MICU1: variants seen among roughly 807,000 people sequenced by gnomAD.
MICU1 encodes the protein mitochondrial calcium uptake 1.
A neutral mutation model predicts 56.8 loss-of-function variants in MICU1; 45 were observed. The observed-to-expected ratio is 0.79, with a 90% CI of 0.62 to 1.02. The LOEUF (loss-of-function observed/expected upper bound fraction) is 1.02. MICU1 is among the 50% of genes least tolerant of loss of function. The probability of loss-of-function intolerance (pLI) is 0.00; values close to 1 mark genes in which losing one functional copy is unlikely to be tolerated. For synonymous variants in MICU1, 186 were observed against 195.1 expected, an observed-to-expected ratio of 0.95 and a Z score of 0.39; for missense variants, 504 against 587.1, an observed-to-expected ratio of 0.86 and a Z score of 1.46.
intron 3 of MICU1, among the ~76,000 whole-genome samples, chr10:72,562,437 A>G (rs1840324149): frequency 6.6e-6 from 1 of 152,154 alleles, no homozygotes; most frequent in East Asian, 1.9e-4. Context: ...TATAGGCATG[A>G]GCCACCATGC....
chr10:72,403,193 CAG>C (rs1040834675), intron 10 of MICU1, among the ~76,000 whole-genome samples: 3 of 151,810 alleles, frequency 2.0e-5, no homozygotes, highest in African/African-American at 4.8e-5. Flanking sequence ...CAGGCCAAGA[CAG>C]TGACCCGGGT....
At chr10:72,432,003 G>GTT (rs1387405082) in intron 8 of MICU1, among the ~76,000 whole-genome samples, 1 of 149,024 alleles carries the variant, frequency 6.7e-6, no homozygotes, top group Non-Finnish European at 1.5e-5. Context: ...AATTTTTTAT[G>GTT]TTGTCTATTT....
At chr10:72,555,081 T>C (rs747531592) in intron 3 of MICU1, among the ~76,000 whole-genome samples, 14 of 152,036 alleles carry the variant, frequency 9.2e-5, no homozygotes, top group African/African-American at 2.2e-4. Context: ...CTATGTGACG[T>C]TGAACAATAA....
At chr10:72,515,325 G>A (rs983894893) in intron 5 of MICU1, among the ~76,000 whole-genome samples, 1 of 152,190 alleles carries the variant, frequency 6.6e-6, no homozygotes, top group African/African-American at 2.4e-5. Context: ...ATTTTTGGCA[G>A]CTTAATTTTT....
At chr10:72,616,616 T>G (rs1300371110) in intron 1 of MICU1, among the ~76,000 whole-genome samples, 1 of 146,220 alleles carries the variant, frequency 6.8e-6, no homozygotes, top group Non-Finnish European at 1.5e-5. Context: ...CTCTACATAA[T>G]GACCTATAAA....
chr10:72,561,878 T>G (rs1156978928), intron 3 of MICU1, among the ~76,000 whole-genome samples: 1 of 152,158 alleles, frequency 6.6e-6, no homozygotes, highest in Non-Finnish European at 1.5e-5. Context: ...TACAAAGAAC[T>G]CTTCTTGCAA....
intron 10 of MICU1, among the ~76,000 whole-genome samples, chr10:72,390,670 T>G (rs1034683224): frequency 3.9e-5 from 6 of 152,220 alleles, no homozygotes; most frequent in African/African-American, 1.4e-4. Flanking sequence ...GGTTCTAACC[T>G]TTTGGGAAAA....
chr10:72,543,169 G>A (rs1364845280), intron 4 of MICU1, among the ~76,000 whole-genome samples: 1 of 152,108 alleles, frequency 6.6e-6, no homozygotes, highest in Middle Eastern at 3.2e-3. Context: ...GCTTGAAGGT[G>A]GGGTTTTGTC....
chr10:72,489,084 T>G (rs993586823), intron 6 of MICU1, among the ~76,000 whole-genome samples: 2 of 152,006 alleles, frequency 1.3e-5, no homozygotes, highest in South Asian at 2.1e-4. Context: ...AGGTTAGGCG[T>G]TCAAGACCAG....
chr10:72,509,476 G>A (rs1349974628), intron 5 of MICU1: 20 of 1,147,040 alleles, frequency 1.7e-5, no homozygotes, highest in Admixed American at 2.3e-5. Flanking sequence ...AGTACCACAC[G>A]AATCATCGTG....
chr10:72,410,531 A>G (rs995995802), intron 9 of MICU1, among the ~76,000 whole-genome samples: 2 of 152,214 alleles, frequency 1.3e-5, no homozygotes, highest in African/African-American at 2.4e-5. Flanking sequence ...AGGCAGGAGA[A>G]TCGCTTGAGC....
intron 9 of MICU1, among the ~76,000 whole-genome samples, chr10:72,417,480 T>C (rs1864021654): frequency 2.7e-5 from 4 of 148,822 alleles, no homozygotes; most frequent in South Asian, 4.2e-4. Flanking sequence ...AAAAGAAATA[T>C]AGTTGTAAGG....
rs532339813 is a variant in MICU1, at chr10:72,601,710, A to C, written c.-2+24300T>G. Reference sequence around the variant, plus strand: ...GAAGAAACAAGAAAGCGTGTGTATTAATATGCTCAAATTTGATGAAGAGTG... The same window carrying C: ...GAAGAAACAAGAAAGCGTGTGTATTCATATGCTCAAATTTGATGAAGAGTG... On this transcript the variant is annotated intron_variant, in intron 1 of 11. Coordinates refer to ENST00000361114, the MANE Select transcript of MICU1 (RefSeq NM_001195518.2). Among the ~76,000 whole-genome samples, 3 of 152,158 alleles carry C rather than the reference A, an allele frequency of 2.0e-5. No homozygotes were observed. The South Asian group carries it at 6.2e-4, about 32-fold the overall frequency.
chr10:72,429,428 A>AAG (rs1403379492), intron 8 of MICU1, among the ~76,000 whole-genome samples: 2 of 151,680 alleles, frequency 1.3e-5, no homozygotes, highest in African/African-American at 4.8e-5. Flanking sequence ...TCAAAAAAAA[A>AAG]AAAAAAAGAA....
chr10:72,395,283 T>C (rs1400182713), intron 10 of MICU1, among the ~76,000 whole-genome samples: 1 of 152,086 alleles, frequency 6.6e-6, no homozygotes, highest in Non-Finnish European at 1.5e-5. Context: ...TCCCCATCTC[T>C]ACTAAAAAAT....
At chr10:72,427,051 CTG>C (rs1477804013) in intron 8 of MICU1, among the ~76,000 whole-genome samples, 3 of 152,240 alleles carry the variant, frequency 2.0e-5, no homozygotes, top group Non-Finnish European at 4.4e-5. Context: ...AAAGCCTCCA[CTG>C]TGTTTGATTC....
intron 10 of MICU1, among the ~76,000 whole-genome samples, chr10:72,395,682 C>T (rs914622247): frequency 5.3e-5 from 8 of 152,204 alleles, no homozygotes; most frequent in African/African-American, 1.9e-4. Flanking sequence ...TCACTGCTAG[C>T]GCAGCAGTCT....
chr10:72,414,539 G>A (rs1863921777), intron 9 of MICU1, among the ~76,000 whole-genome samples: 4 of 152,170 alleles, frequency 2.6e-5, no homozygotes, highest in South Asian at 4.1e-4. Context: ...TAGAAATGAG[G>A]ATTGACTGAA....
chr10:72,574,921 C>T (rs555871880), intron 1 of MICU1, among the ~76,000 whole-genome samples: 1 of 151,710 alleles, frequency 6.6e-6, no homozygotes, highest in Non-Finnish European at 1.5e-5. Flanking sequence ...TGGACAAGTG[C>T]GCTCAAAAAA....
Sources: gnomAD v4.1 joint callset for allele counts (sites outside exome capture counted in the v4.1 genomes callset) on GRCh38, gnomAD v4.1.1 for gene constraint, MANE v1.5 for transcripts, NCBI Gene and HGNC (gene_info 2026-07-23, HGNC 2026-07-21) for gene names.